The following SCNN1G variants were observed in gnomAD, a reference collection of about 807,000 sequenced individuals.
SCNN1G encodes epithelial sodium channel subunit gamma.
A neutral mutation model predicts 64.6 loss-of-function variants in SCNN1G; 27 were observed. That is an observed-to-expected ratio of 0.42 (90% confidence interval 0.31 to 0.58). The LOEUF is 0.58. Among genes scored for constraint, SCNN1G ranks in the 20% least tolerant of loss-of-function variants. The probability of loss-of-function intolerance (pLI) is 0.18; values close to 1 mark genes in which losing one functional copy is unlikely to be tolerated. For synonymous variants in SCNN1G, 330 were observed against 314.2 expected (o/e 1.05, Z -0.53); for missense variants, 743 against 823.4 (o/e 0.90, Z 1.19).
rs777055838 is a variant in SCNN1G at position 23,212,164 on chromosome 16, C to T, written c.1294+13C>T. The T allele has an allele frequency of 2.5e-4, 379 of 1,544,598 alleles. 2 individuals carry two copies. Among genetic ancestry groups the T allele is most frequent in the Non-Finnish European group, 1.9e-5 (21 of 1,116,986 alleles). ...CACCCCAACTGGAGTGAGTGAGACC[C>T]AGCTCCAGCCTTGCATGCCCCAGGA... On this transcript the variant is annotated intron_variant, in intron 8 of 12. Coordinates refer to ENST00000300061, the MANE Select transcript of SCNN1G (RefSeq NM_001039.4).
intron 6 of SCNN1G, among the ~76,000 whole-genome samples, chr16:23,200,727 T>C (rs1262528921): frequency 6.6e-6 from 1 of 152,230 alleles, no homozygotes; most frequent in Non-Finnish European, 1.5e-5. Flanking sequence ...TAAGACCATA[T>C]GAGTGCATAT....
At chr16:23,194,756 A>G (rs1458498273) in intron 5 of SCNN1G, 1 of 198,914 alleles carries the variant, frequency 5.0e-6, no homozygotes, top group African/African-American at 2.3e-5. Flanking sequence ...GGGACTAATA[A>G]TAGTATCTCC....
At chr16:23,210,324 C>T (rs1960059888) in intron 7 of SCNN1G, among the ~76,000 whole-genome samples, 1 of 152,132 alleles carries the variant, frequency 6.6e-6, no homozygotes, top group African/African-American at 2.4e-5. Flanking sequence ...TTTCAAGAGC[C>T]TGGATGGTGT....
intron 7 of SCNN1G, 51 bp downstream of exon 7, chr16:23,209,899 G>A (rs1596776213): frequency 2.2e-6 from 3 of 1,336,272 alleles, no homozygotes; most frequent in Non-Finnish European, 2.2e-6. Context: ...CCGGACCCAG[G>A]AGACAAAGTT....
chr16:23,190,724 A>C (rs1485147071), intron 3 of SCNN1G, among the ~76,000 whole-genome samples: 1 of 152,144 alleles, frequency 6.6e-6, no homozygotes, highest in Non-Finnish European at 1.5e-5. Context: ...GGCACCCAAA[A>C]GAAAAAGACG....
chr16:23,208,579 T>G (rs2141942453), intron 6 of SCNN1G, among the ~76,000 whole-genome samples: 1 of 150,920 alleles, frequency 6.6e-6, no homozygotes, highest in African/African-American at 2.4e-5. Flanking sequence ...CCCGCTTCCT[T>G]TCTCTCCCTT....
At chr16:23,196,028 G>A (rs1329336155) in intron 5 of SCNN1G, 2 of 152,134 alleles carry the variant, frequency 1.3e-5, no homozygotes, top group Non-Finnish European at 2.9e-5. Context: ...TTACATTTTC[G>A]TGGGGAGAGA....
At chr16:23,197,449 C>T (rs758187684) in intron 6 of SCNN1G, 22 bp downstream of exon 6, 1 of 1,606,440 alleles carries the variant, frequency 6.2e-7, no homozygotes, top group Non-Finnish European at 8.5e-7. Context: ...TTCTCATTTC[C>T]ATAGGCTTGG....
intron 5 of SCNN1G, 136 bp downstream of exon 5, chr16:23,194,410 T>C: frequency 1.4e-6 from 1 of 703,422 alleles, no homozygotes; most frequent in Admixed American, 2.1e-5. Flanking sequence ...ATGCCCCTTT[T>C]TCTATCAGTG....
intron 3 of SCNN1G, among the ~76,000 whole-genome samples, chr16:23,190,027 G>A (rs1959681110): frequency 1.3e-5 from 2 of 151,828 alleles, no homozygotes; most frequent in African/African-American, 4.8e-5. Context: ...CCCAGATGGT[G>A]CCACTGCACT....
intron 1 of SCNN1G, among the ~76,000 whole-genome samples, chr16:23,184,371 G>A (rs777632542): frequency 6.6e-6 from 1 of 152,008 alleles, no homozygotes; most frequent in Non-Finnish European, 1.5e-5. Context: ...ATTGAACCTG[G>A]ACCTAGATTT....
chr16:23,196,940 A>G (rs1959805099), intron 5 of SCNN1G, among the ~76,000 whole-genome samples: 1 of 152,176 alleles, frequency 6.6e-6, no homozygotes, highest in Admixed American at 6.5e-5. Flanking sequence ...CGAGCTCCCC[A>G]TCTCAAAGGA....
intron 3 of SCNN1G, among the ~76,000 whole-genome samples, chr16:23,192,061 T>C (rs1959717031): frequency 6.9e-6 from 1 of 144,826 alleles, no homozygotes; most frequent in Non-Finnish European, 1.5e-5. Flanking sequence ...GAAACCTAGG[T>C]GCCTAGGGAC....
At chr16:23,205,683 G>C (rs1407444868) in intron 6 of SCNN1G, among the ~76,000 whole-genome samples, 1 of 147,628 alleles carries the variant, frequency 6.8e-6, no homozygotes, top group Admixed American at 7.0e-5. Context: ...CTGGGCAACA[G>C]AGTGAGGCTC....
intron 6 of SCNN1G, among the ~76,000 whole-genome samples, chr16:23,197,704 A>T (rs1299737352): frequency 6.6e-6 from 1 of 151,998 alleles, no homozygotes; most frequent in East Asian, 1.9e-4. Context: ...ACTTGGTGAA[A>T]CCTGTCTCTA....
At chr16:23,186,667 A>T (rs1959612365) in intron 2 of SCNN1G, 79 bp downstream of exon 2, 1 of 1,256,808 alleles carries the variant, frequency 8.0e-7, no homozygotes, top group East Asian at 2.3e-5. Context: ...AAAGTGACAC[A>T]CTGGCAGCCT....
intron 1 of SCNN1G, among the ~76,000 whole-genome samples, chr16:23,184,604 C>G (rs1413120201): frequency 6.6e-6 from 1 of 152,086 alleles, no homozygotes; most frequent in East Asian, 1.9e-4. Flanking sequence ...AGCAGTTTGT[C>G]TGCTCTGGAC....
intron 7 of SCNN1G, among the ~76,000 whole-genome samples, chr16:23,210,614 C>T (rs987643351): frequency 6.6e-6 from 1 of 152,144 alleles, no homozygotes; most frequent in Non-Finnish European, 1.5e-5. Context: ...TCACCTCCTA[C>T]CAGGATACCC....
intron 2 of SCNN1G, among the ~76,000 whole-genome samples, chr16:23,188,881 T>A (rs1959657311): frequency 6.6e-6 from 1 of 152,212 alleles, no homozygotes; most frequent in Non-Finnish European, 1.5e-5. Context: ...ATAACTATTT[T>A]GTGTTCTTGG....
Sources: allele counts gnomAD v4.1 joint callset (sites outside exome capture counted in the v4.1 genomes callset), GRCh38; gene constraint gnomAD v4.1.1; transcripts MANE v1.5; gene names NCBI Gene and HGNC (gene_info 2026-07-23, HGNC 2026-07-21).